Variants in PARD3B observed in about 807,000 individuals in gnomAD.
The protein encoded by PARD3B is partitioning defective 3 homolog B.
In PARD3B, 103 loss-of-function variants were observed where a neutral mutation model predicts 130.2. The observed-to-expected ratio is 0.79, with a 90% CI of 0.67 to 0.93. The LOEUF (loss-of-function observed/expected upper bound fraction) is 0.93. Among genes scored for constraint, PARD3B ranks in the 40% least tolerant of loss-of-function variants. The pLI, the probability that PARD3B is intolerant of heterozygous loss-of-function variation, is 0.00. For synonymous variants in PARD3B, 583 were observed against 553.2 expected (o/e 1.05, Z -0.76); for missense variants, 1,609 against 1,499.2 (o/e 1.07, Z -1.21).
rs190351680 is a variant in PARD3B, at chr2:205,507,826, A to T, written c.3180+7795A>T. Among the ~76,000 whole-genome samples, 3 of 152,332 alleles carry T rather than the reference A, an allele frequency of 2.0e-5. No homozygotes were observed. The East Asian group carries it at 5.8e-4, about 29-fold the overall frequency. On this transcript the variant is annotated intron_variant, in intron 21 of 22. Coordinates refer to ENST00000406610, the MANE Select transcript of PARD3B (RefSeq NM_001302769.2). ...AAAGAATAGATCTATTATCAAACTTAAATTTGCTGCCATTATTTGTTATGT... is the reference window on the plus strand; with the variant it reads ...AAAGAATAGATCTATTATCAAACTTTAATTTGCTGCCATTATTTGTTATGT...
rs1698528892 is a variant in PARD3B, at chr2:205,043,456, A to G, written c.395-4125A>G. Among the ~76,000 whole-genome samples the G allele has an allele frequency of 3.3e-5, 5 of 152,194 alleles. No homozygotes were observed. The South Asian group carries it at 1.0e-3, about 32-fold the overall frequency. On this transcript the variant is annotated intron_variant, in intron 3 of 22. Coordinates refer to ENST00000406610, the MANE Select transcript of PARD3B (RefSeq NM_001302769.2). ...ATGAGACTGAGTCACAGAGCAGTGC[A>G]AGTTCAATGCCACAGAGCAAACAAA...
intron 2 of PARD3B, among the ~76,000 whole-genome samples, chr2:204,948,388 C>T (rs957386647): frequency 4.6e-5 from 7 of 152,192 alleles, no homozygotes; most frequent in African/African-American, 1.7e-4. Flanking sequence ...AGAAGCAAGA[C>T]ATTGAAGCTG....
intron 19 of PARD3B, among the ~76,000 whole-genome samples, chr2:205,434,996 A>G (rs2106141540): frequency 6.6e-6 from 1 of 152,238 alleles, no homozygotes. Flanking sequence ...TAAAAGCTCA[A>G]ACTTTAGCAT....
chr2:205,048,974 A>T (rs928828303), intron 4 of PARD3B, among the ~76,000 whole-genome samples: 1 of 152,210 alleles, frequency 6.6e-6, no homozygotes, highest in African/African-American at 2.4e-5. Flanking sequence ...TAAAACACAC[A>T]CTGGTTGAGA....
chr2:204,980,994 C>T (rs934358768), intron 3 of PARD3B, among the ~76,000 whole-genome samples: 4 of 152,086 alleles, frequency 2.6e-5, no homozygotes, highest in Admixed American at 6.5e-5. Context: ...AGGGGAAACT[C>T]GATTCTTTTT....
chr2:204,818,800 C>T (rs1029534350), intron 2 of PARD3B, among the ~76,000 whole-genome samples: 1 of 152,092 alleles, frequency 6.6e-6, no homozygotes, highest in Admixed American at 6.6e-5. Context: ...ATTAGTATCT[C>T]CTATTGACAA....
At chr2:204,920,291 G>A (rs1261896399) in intron 2 of PARD3B, among the ~76,000 whole-genome samples, 1 of 152,164 alleles carries the variant, frequency 6.6e-6, no homozygotes, top group African/African-American at 2.4e-5. Context: ...TTTGTAGAGA[G>A]AGGCTCTGCA....
intron 1 of PARD3B, among the ~76,000 whole-genome samples, chr2:204,646,434 A>G (rs927827012): frequency 1.3e-5 from 2 of 151,986 alleles, no homozygotes; most frequent in African/African-American, 2.4e-5. Context: ...TGTTTGTGAG[A>G]TTCATCCATG....
Position 205,148,060 on chromosome 2 carries a change from A to G in PARD3B, c.1435-10662A>G, listed in dbSNP as rs542227214. On this transcript the variant is annotated intron_variant, in intron 10 of 22. Coordinates refer to ENST00000406610, the MANE Select transcript of PARD3B (RefSeq NM_001302769.2). The stretch of plus-strand genomic sequence containing the variant: ...TATAGCTAGACAATATAGAGTATAT[A>G]TAATATTGTCTGTATTCTAATGTAT... Among the ~76,000 whole-genome samples the G allele has an allele frequency of 1.5e-4, 23 of 152,190 alleles. No individual in the cohort carries two copies. The East Asian group carries it at 4.3e-3, about 28-fold the overall frequency.
At position 204,557,593 on chromosome 2, in the gene PARD3B, A is replaced by G. The variant is rs983559536; in HGVS notation, c.120+11474A>G. 7.9e-5 allele frequency among the ~76,000 whole-genome samples: 12 copies of G among 152,262 alleles called. No homozygotes were observed. In the South Asian group the frequency reaches 2.5e-3, roughly 32 times the overall value. On this transcript the variant is annotated intron_variant, in intron 1 of 22. Coordinates refer to ENST00000406610, the MANE Select transcript of PARD3B (RefSeq NM_001302769.2). ...TGCTTGCTAAACTTTGTCAAATTCCACATTTTTAAAATAAAAATGAGAATG... is the reference window on the plus strand; with the variant it reads ...TGCTTGCTAAACTTTGTCAAATTCCGCATTTTTAAAATAAAAATGAGAATG...
intron 3 of PARD3B, among the ~76,000 whole-genome samples, chr2:205,038,266 G>A (rs1698153528): frequency 6.6e-6 from 1 of 152,102 alleles, no homozygotes; most frequent in East Asian, 1.9e-4. Context: ...TGTGATTCAG[G>A]AGCTTTTATT....
At chr2:204,921,398 T>C (rs1342078132) in intron 2 of PARD3B, among the ~76,000 whole-genome samples, 1 of 152,204 alleles carries the variant, frequency 6.6e-6, no homozygotes, top group East Asian at 1.9e-4. Context: ...TCACAAACAA[T>C]AGACCTTATG....
At chr2:205,097,438 A>G (rs1459254637) in intron 4 of PARD3B, among the ~76,000 whole-genome samples, 1 of 152,156 alleles carries the variant, frequency 6.6e-6, no homozygotes, top group Non-Finnish European at 1.5e-5. Context: ...TAGCTATAAA[A>G]TGGGTGAACT....
chr2:205,466,408 A>T (rs1416013659), intron 20 of PARD3B, among the ~76,000 whole-genome samples: 1 of 151,900 alleles, frequency 6.6e-6, no homozygotes, highest in Non-Finnish European at 1.5e-5. Flanking sequence ...TTATATTTTA[A>T]CTGCTGCTGT....
intron 2 of PARD3B, among the ~76,000 whole-genome samples, chr2:204,783,930 G>GT (rs375170500): frequency 6.4e-4 from 97 of 150,698 alleles, no homozygotes; most frequent in East Asian, 4.9e-3. Flanking sequence ...AGTTTCCAGC[G>GT]TTTTTTTTTC....
At chr2:205,373,052 A>C (rs1331158026) in intron 18 of PARD3B, among the ~76,000 whole-genome samples, 1 of 152,208 alleles carries the variant, frequency 6.6e-6, no homozygotes, top group Non-Finnish European at 1.5e-5. Flanking sequence ...TAGTATTAAA[A>C]ATGTAGAGGC....
chr2:204,799,629 TCATGTTATC>T lies in PARD3B; in HGVS notation c.222+113349_222+113357del, dbSNP rs2042495149. Among the ~76,000 whole-genome samples, 1 of 152,102 alleles carries T rather than the reference TCATGTTATC, an allele frequency of 6.6e-6. No individual in the cohort carries two copies. The highest frequency in any genetic ancestry group is 2.4e-5 in the African/African-American group (1 of 41,420). On this transcript the variant is annotated intron_variant, in intron 2 of 22. Transcript: ENST00000406610. The surrounding 1 kb of genome is among the most constrained non-coding windows in gnomAD (Gnocchi z 4.1). ...TCAGTGGTGGTGGCCACAGGTGTGC[TCATGTTATC>T]CCTCTCCAGCTCCAGGCAGCTCAGC...
intron 18 of PARD3B, among the ~76,000 whole-genome samples, chr2:205,349,268 G>C (rs1006104855): frequency 3.9e-5 from 6 of 152,112 alleles, no homozygotes; most frequent in African/African-American, 1.4e-4. Context: ...ATTGTCTGGG[G>C]CATGCAAAAT....
chr2:205,219,630 A>T (rs759734658), intron 15 of PARD3B, among the ~76,000 whole-genome samples: 43 of 152,320 alleles, frequency 2.8e-4, no homozygotes, highest in African/African-American at 9.6e-4. Context: ...GCCAGAAACC[A>T]GGTGCCAAAA....
Sources: allele counts gnomAD v4.1 joint callset (sites outside exome capture counted in the v4.1 genomes callset), GRCh38; gene constraint gnomAD v4.1.1; non-coding constraint Gnocchi (gnomAD v3.1); transcripts MANE v1.5; gene names NCBI Gene and HGNC (gene_info 2026-07-23, HGNC 2026-07-21).